The following INSL6 variants were observed in gnomAD, a reference collection of about 807,000 sequenced individuals.
INSL6 encodes the protein insulin-like peptide INSL6.
In INSL6, 16 loss-of-function variants were observed where a neutral mutation model predicts 9.4. The observed-to-expected ratio is 1.70, with a 90% CI of 1.15 to 2.59. The LOEUF is 2.59. INSL6 is among the 30% of genes most tolerant of loss of function. INSL6 has a pLI of 0.00. For synonymous variants in INSL6, 154 were observed against 96.9 expected (o/e 1.59, Z -3.46); for missense variants, 391 against 257.3 (o/e 1.52, Z -3.56).
chr9:5,141,979 T>C (rs1368031862), intron 2 of INSL6, among the ~76,000 whole-genome samples: 1 of 151,770 alleles, frequency 6.6e-6, no homozygotes, highest in Non-Finnish European at 1.5e-5. Flanking sequence ...GGTAATCCTT[T>C]AGCCATTGCT....
At chr9:5,063,701 T>C in the INSL6 span, among the ~76,000 whole-genome samples, 51,781 of 151,986 alleles carry the variant, frequency 0.34, 9,392 homozygotes, top group African/African-American at 0.48. Context: ...AAGAGTGTTT[T>C]GAAGTTTTTG....
chr9:5,114,657 A>G, the INSL6 span: 1 of 454,670 alleles, frequency 2.2e-6, no homozygotes, highest in Non-Finnish European at 4.3e-6. Flanking sequence ...GCCCCGCAAA[A>G]CCAAGGGCTC....
intron 2 of INSL6, among the ~76,000 whole-genome samples, chr9:5,146,269 G>C (rs916156030): frequency 2.6e-5 from 4 of 152,102 alleles, no homozygotes; most frequent in Non-Finnish European, 5.9e-5. Flanking sequence ...ACTTGAATTG[G>C]GCCCCAACAT....
chr9:5,069,558 A>G, the INSL6 span, among the ~76,000 whole-genome samples: 2 of 152,160 alleles, frequency 1.3e-5, no homozygotes, highest in African/African-American at 4.8e-5. Flanking sequence ...AAATAAAGAC[A>G]GTAAAGTTGG....
At chr9:5,149,253 G>T (rs764229968) in intron 2 of INSL6, among the ~76,000 whole-genome samples, 1 of 152,178 alleles carries the variant, frequency 6.6e-6, no homozygotes, top group Non-Finnish European at 1.5e-5. Context: ...CCCCAAACGG[G>T]ATTCCCAGCT....
the INSL6 span, among the ~76,000 whole-genome samples, chr9:5,095,444 G>A: frequency 1.3e-5 from 2 of 152,062 alleles, no homozygotes; most frequent in East Asian, 1.9e-4. Flanking sequence ...CTCATGATGG[G>A]TATCCTTTTC....
chr9:5,133,114 A>G (rs948201933), intron 3 of INSL6, among the ~76,000 whole-genome samples: 3 of 152,190 alleles, frequency 2.0e-5, no homozygotes, highest in African/African-American at 7.2e-5. Flanking sequence ...TGAAAAAATC[A>G]TATAAAGCAC....
At chr9:5,057,874 C>A in the INSL6 span, among the ~76,000 whole-genome samples, 11 of 152,090 alleles carry the variant, frequency 7.2e-5, no homozygotes, top group African/African-American at 2.7e-4. Context: ...AGCCACTGTG[C>A]CCAGCCCCTC....
intron 2 of INSL6, among the ~76,000 whole-genome samples, chr9:5,146,872 G>C (rs573323110): frequency 6.6e-6 from 1 of 152,272 alleles, no homozygotes; most frequent in East Asian, 1.9e-4. Flanking sequence ...TGGTCCACTG[G>C]TGCAAAAGCT....
At chr9:5,130,529 G>T (rs1483577396) in intron 3 of INSL6, among the ~76,000 whole-genome samples, 1 of 151,886 alleles carries the variant, frequency 6.6e-6, no homozygotes, top group African/African-American at 2.4e-5. Flanking sequence ...AGTGTGAAAT[G>T]GAAAAATCTG....
the INSL6 span, chr9:5,114,446 C>T: frequency 2.1e-6 from 1 of 479,586 alleles, no homozygotes; most frequent in Non-Finnish European, 4.1e-6. Flanking sequence ...GGGTGACCCA[C>T]ACCCACCTGC....
chr9:5,040,620 C>G, the INSL6 span, among the ~76,000 whole-genome samples: 1 of 152,234 alleles, frequency 6.6e-6, no homozygotes, highest in African/African-American at 2.4e-5. Flanking sequence ...CTCAACAAGA[C>G]AATGACAACT....
the INSL6 span, among the ~76,000 whole-genome samples, chr9:5,045,465 G>A: frequency 1.3e-5 from 2 of 152,148 alleles, no homozygotes; most frequent in Non-Finnish European, 2.9e-5. Context: ...CAGTTCAGTT[G>A]TATTAAGTAC....
chr9:5,161,658 C>T (rs891575375), downstream of INSL6, among the ~76,000 whole-genome samples: 2 of 152,150 alleles, frequency 1.3e-5, no homozygotes, highest in African/African-American at 4.8e-5. Flanking sequence ...TCCTTATTTA[C>T]AGGTGCTATG....
intron 1 of INSL6, among the ~76,000 whole-genome samples, chr9:5,178,391 G>A (rs79790394): frequency 0.012 from 1,760 of 152,294 alleles, 27 homozygotes; most frequent in African/African-American, 0.041. Context: ...CCAGAAGGCA[G>A]TACAGCTGCT....
At chr9:5,009,711 G>T in the INSL6 span, among the ~76,000 whole-genome samples, 1 of 151,788 alleles carries the variant, frequency 6.6e-6, no homozygotes, top group Non-Finnish European at 1.5e-5. Context: ...TTTTATGTGT[G>T]TGCAGACAAC....
intron 2 of INSL6, among the ~76,000 whole-genome samples, chr9:5,145,690 C>A (rs1472036162): frequency 6.6e-6 from 1 of 152,160 alleles, no homozygotes; most frequent in Non-Finnish European, 1.5e-5. Context: ...TGTCTACCTG[C>A]CTTATTTAAG....
the INSL6 span, chr9:5,114,792 G>C: frequency 3.3e-6 from 1 of 301,916 alleles, no homozygotes. Context: ...ACTGTTGTCT[G>C]TAAATCCCAT....
At chr9:5,081,578 CATTA>C in the INSL6 span, 1 of 590,902 alleles carries the variant, frequency 1.7e-6, no homozygotes, top group Non-Finnish European at 3.0e-6. Context: ...TAAAGGCTCC[CATTA>C]ATATAATTGA....
Sources: allele counts gnomAD v4.1 joint callset (sites outside exome capture counted in the v4.1 genomes callset), GRCh38; gene constraint gnomAD v4.1.1; transcripts MANE v1.5; gene names NCBI Gene and HGNC (gene_info 2026-07-23, HGNC 2026-07-21).